Variants in ZNF429 observed in about 807,000 individuals in gnomAD.
ZNF429 encodes zinc finger protein 429.
ZNF429 carries 53 observed loss-of-function variants against 56.8 expected under a neutral mutation model. The ratio of observed to expected loss-of-function variants is 0.93; its 90% CI spans 0.75 to 1.17. The LOEUF (loss-of-function observed/expected upper bound fraction) is 1.17, where lower values mean the gene tolerates loss of function less well. Among genes scored for constraint, ZNF429 ranks in the 50% most tolerant of loss-of-function variants. The pLI, the probability that ZNF429 is intolerant of heterozygous loss-of-function variation, is 0.00. For missense variants in ZNF429, 849 were observed against 788.4 expected (o/e 1.08, Z -0.92); for synonymous variants, 278 against 264.7 (o/e 1.05, Z -0.49).
intron 3 of ZNF429, among the ~76,000 whole-genome samples, chr19:21,533,318 G>A: frequency 6.6e-6 from 1 of 151,952 alleles, no homozygotes; most frequent in East Asian, 1.9e-4. Context: ...TTATTGTTTA[G>A]TTTCAAGAGG....
In ZNF429 at chr19:21,540,373, T is replaced by C. The variant is rs2033878959; in HGVS notation, c.*2295T>C. On this transcript the variant is annotated 3_prime_UTR_variant, in exon 4 of 4. Coordinates refer to ENST00000358491, the MANE Select transcript of ZNF429 (RefSeq NM_001001415.4). ...ATTGTTCCCATAGGTTAAATATTTA[T>C]CCTTTTTTTGATATTTAAATTTTTT... 6.6e-6 allele frequency among the ~76,000 whole-genome samples: 1 copy of C among 152,046 alleles called. No homozygotes were observed. Among genetic ancestry groups the C allele is most frequent in the African/African-American group, 2.4e-5 (1 of 41,380 alleles).
At chr19:21,510,569 TTTC>T (rs1233958640) in intron 1 of ZNF429, among the ~76,000 whole-genome samples, 2 of 151,898 alleles carry the variant, frequency 1.3e-5, no homozygotes, top group Non-Finnish European at 2.9e-5. Flanking sequence ...TTTATGGTAA[TTTC>T]TTTTTTTTAA....
chr19:21,528,805 A>C (rs1217871946), intron 1 of ZNF429, among the ~76,000 whole-genome samples: 1 of 152,216 alleles, frequency 6.6e-6, no homozygotes, highest in East Asian at 1.9e-4. Context: ...ACTGTAATCT[A>C]CTTTTAGGTA....
At chr19:21,535,730 G>T in intron 3 of ZNF429, among the ~76,000 whole-genome samples, 1 of 151,736 alleles carries the variant, frequency 6.6e-6, no homozygotes, top group South Asian at 2.1e-4. Flanking sequence ...TGGCCAGGCT[G>T]GTTTCGAACT....
intron 1 of ZNF429, among the ~76,000 whole-genome samples, chr19:21,514,197 CTT>C (rs2032632013): frequency 1.3e-5 from 2 of 152,100 alleles, no homozygotes; most frequent in Admixed American, 1.3e-4. Flanking sequence ...TTCCTTTTAA[CTT>C]TTATTTTTGG....
chr19:21,531,106 C>CAAAAAAAAAAACAAAACAAAAAAAAAAAA, intron 3 of ZNF429, among the ~76,000 whole-genome samples: 2 of 17,558 alleles, frequency 1.1e-4, no homozygotes, highest in African/African-American at 6.1e-4. Context: ...AACTCCATCT[C>CAAAAAAAAAAACAAAACAAAAAAAAAAAA]AAAAAAAAAA....
chr19:21,529,963 C>G, intron 2 of ZNF429, among the ~76,000 whole-genome samples, 179 bp downstream of exon 2: 1 of 151,962 alleles, frequency 6.6e-6, no homozygotes, highest in Non-Finnish European at 1.5e-5. Flanking sequence ...TTTGGGAGGC[C>G]AAGGCGGGTG....
In ZNF429 at chr19:21,530,678, C is replaced by G; in HGVS notation, c.220C>G (p.Pro74Ala). The G allele has an allele frequency of 6.2e-7, 1 of 1,606,196 alleles. No homozygotes were observed. Reference sequence around the variant, plus strand: ...GAAGCGACATGAAATGGTGGATGAACCCCCAGGTAGGTGAGAGTGAACACA... The same window carrying G: ...GAAGCGACATGAAATGGTGGATGAAGCCCCAGGTAGGTGAGAGTGAACACA... Reference protein sequence around the residue: ...KMKRHEMVDEPPVVCSHFAED... With the variant: ...KMKRHEMVDEAPVVCSHFAED... The change falls in exon 3 of 4, where the codon CCC becomes GCC. Residue 74 changes from proline to alanine, a missense_variant. By Grantham distance (27) the Pro-to-Ala change is conservative. Coordinates refer to ENST00000358491, the MANE Select transcript of ZNF429 (RefSeq NM_001001415.4).
In ZNF429 at chr19:21,540,484, T is replaced by C. The variant is rs1353643534; in HGVS notation, c.*2406T>C. On this transcript the variant is annotated 3_prime_UTR_variant, in exon 4 of 4. Coordinates refer to ENST00000358491, the MANE Select transcript of ZNF429 (RefSeq NM_001001415.4). Reference sequence around the variant, plus strand: ...ATAGAGGCATACAATATGTAATAATTACATCAATTACATCAGGGTAAATTA... The same window carrying C: ...ATAGAGGCATACAATATGTAATAATCACATCAATTACATCAGGGTAAATTA... Among the ~76,000 whole-genome samples the C allele has an allele frequency of 6.6e-6, 1 of 152,142 alleles. No homozygotes were observed. The highest frequency in any genetic ancestry group is 3.2e-3 in the Middle Eastern group (1 of 316).
intron 3 of ZNF429, among the ~76,000 whole-genome samples, chr19:21,532,378 A>T: frequency 6.6e-6 from 1 of 152,238 alleles, no homozygotes; most frequent in East Asian, 1.9e-4. Flanking sequence ...ATATTTCAAC[A>T]CTATAGTAAT....
chr19:21,535,077 TCG>T, intron 3 of ZNF429, among the ~76,000 whole-genome samples: 1 of 150,360 alleles, frequency 6.7e-6, no homozygotes, highest in Admixed American at 6.6e-5. Flanking sequence ...TCCGCCCGCC[TCG>T]GCCTCCCAAA....
In ZNF429 at chr19:21,539,052, G is replaced by A. The variant is rs1237450147; in HGVS notation, c.*974G>A. Among the ~76,000 whole-genome samples, 1 of 152,044 alleles carries A rather than the reference G, an allele frequency of 6.6e-6. No individual in the cohort carries two copies. Among genetic ancestry groups the A allele is most frequent in the Non-Finnish European group, 1.5e-5 (1 of 68,006 alleles). ...AAATCCAGCAAGTGTAATAAATTTGGAAAAACTTTTTTTTCCCCAAAAACT... is the reference window on the plus strand; with the variant it reads ...AAATCCAGCAAGTGTAATAAATTTGAAAAAACTTTTTTTTCCCCAAAAACT... On this transcript the variant is annotated 3_prime_UTR_variant, in exon 4 of 4. Coordinates refer to ENST00000358491, the MANE Select transcript of ZNF429 (RefSeq NM_001001415.4).
intron 1 of ZNF429, among the ~76,000 whole-genome samples, chr19:21,509,701 G>A (rs2032359521): frequency 6.6e-6 from 1 of 152,152 alleles, no homozygotes; most frequent in East Asian, 1.9e-4. Flanking sequence ...CAGTTAAGGT[G>A]GAAGGGAACT....
At chr19:21,519,266 T>C (rs1255613052) in intron 1 of ZNF429, among the ~76,000 whole-genome samples, 3 of 152,214 alleles carry the variant, frequency 2.0e-5, no homozygotes, top group Non-Finnish European at 4.4e-5. Context: ...AAGAATGTGC[T>C]CTGGAGACTC....
intron 1 of ZNF429, among the ~76,000 whole-genome samples, chr19:21,512,589 G>A (rs2032545251): frequency 6.6e-6 from 1 of 150,868 alleles, no homozygotes; most frequent in African/African-American, 2.4e-5. Flanking sequence ...ACTTGAACCG[G>A]GGAGGTGGTG....
At chr19:21,535,329 C>CT in intron 3 of ZNF429, among the ~76,000 whole-genome samples, 2 of 28,758 alleles carry the variant, frequency 7.0e-5, no homozygotes, top group South Asian at 1.1e-3. Context: ...CTTTCTTTCT[C>CT]TTTTCTTTTC....
chr19:21,529,058 A>G (rs2033273382), intron 1 of ZNF429: 1 of 152,204 alleles, frequency 6.6e-6, no homozygotes, highest in African/African-American at 2.4e-5. Context: ...TCTTTGGAAA[A>G]TGAAAGCTCT....
intron 1 of ZNF429, among the ~76,000 whole-genome samples, chr19:21,527,965 C>A (rs1025964660): frequency 1.3e-5 from 2 of 152,160 alleles, no homozygotes; most frequent in Non-Finnish European, 2.9e-5. Context: ...TACTTCTCTA[C>A]TTGTATTTTT....
chr19:21,535,366 TTTC>T, intron 3 of ZNF429, among the ~76,000 whole-genome samples: 3 of 98,732 alleles, frequency 3.0e-5, no homozygotes, highest in Admixed American at 1.0e-4. Flanking sequence ...TTCTTCTTTC[TTTC>T]TTTCTTTCTT....
Sources: gnomAD v4.1 joint callset for allele counts (sites outside exome capture counted in the v4.1 genomes callset) on GRCh38, gnomAD v4.1.1 for gene constraint, MANE v1.5 for transcripts, NCBI Gene and HGNC (gene_info 2026-07-23, HGNC 2026-07-21) for gene names.